Variants in SYNM observed in about 807,000 individuals in gnomAD.
The protein encoded by SYNM is desmuslin.
In SYNM, 95 loss-of-function variants were observed where a neutral mutation model predicts 104.0. The ratio of observed to expected loss-of-function variants is 0.91; its 90% CI spans 0.77 to 1.08. SYNM has a LOEUF of 1.08. SYNM is among the 50% of genes least tolerant of loss of function. The pLI is 0.00. For synonymous variants in SYNM, 918 were observed against 869.0 expected (o/e 1.06, Z -0.99); for missense variants, 2,150 against 2,052.2 (o/e 1.05, Z -0.92).
chr15:99,117,299 T>G (rs1379040639), intron 2 of SYNM, among the ~76,000 whole-genome samples: 1 of 152,148 alleles, frequency 6.6e-6, no homozygotes, highest in African/African-American at 2.4e-5. Context: ...CTCGTGCCCG[T>G]GGTCATCCTC....
intron 2 of SYNM, among the ~76,000 whole-genome samples, chr15:99,114,658 T>A (rs1034767737): frequency 1.3e-5 from 2 of 152,016 alleles, no homozygotes; most frequent in African/African-American, 4.8e-5. Flanking sequence ...CCAACTCTGA[T>A]GAAAAGGTCA....
At position 99,132,119 on chromosome 15, in the gene SYNM, A is replaced by G; in HGVS notation, c.3759A>G (p.Glu1253=). 1 of 1,614,034 alleles carries G rather than the reference A, an allele frequency of 6.2e-7. No individual in the cohort carries two copies. Among genetic ancestry groups the G allele is most frequent in the Non-Finnish European group, 8.5e-7 (1 of 1,179,896 alleles). The change falls in exon 4 of 4, where the codon GAA becomes GAG. Residue 1253 remains glutamate, a synonymous_variant. Transcript: ENST00000336292. ...AGGTTGGTGATTATTTTGCAACAGAAGAGTCAGTGGGTACCCAGACTTCTG... is the reference window on the plus strand; with the variant it reads ...AGGTTGGTGATTATTTTGCAACAGAGGAGTCAGTGGGTACCCAGACTTCTG... ...AGKVGDYFAT[E]ESVGTQTSVR...
chr15:99,134,143 G>C lies in SYNM; in HGVS notation c.*1085G>C, dbSNP rs1460285540. On this transcript the variant is annotated 3_prime_UTR_variant, in exon 4 of 4. Transcript: ENST00000336292. ...ACAACCATGAACCCACCTCACGGAA[G>C]CTTTTTTTGCACTTTGAACAGAAGT... The C allele has an allele frequency of 6.6e-6, 1 of 152,122 alleles. No individual in the cohort carries two copies. Among genetic ancestry groups the C allele is most frequent in the Non-Finnish European group, 1.5e-5 (1 of 68,014 alleles). 9.4% of individuals were successfully genotyped at this position (152,122 alleles called of 1,614,324 possible).
At chr15:99,117,328 C>T (rs1703777) in intron 2 of SYNM, among the ~76,000 whole-genome samples, 77,816 of 151,962 alleles carry the variant, frequency 0.51, 20,378 homozygotes, top group African/African-American at 0.62. Context: ...TCCATCTCTG[C>T]TGGGTCATGT....
intron 2 of SYNM, among the ~76,000 whole-genome samples, chr15:99,118,739 A>T (rs2067372998): frequency 6.6e-6 from 1 of 152,252 alleles, no homozygotes; most frequent in Admixed American, 6.5e-5. Context: ...ATTAAAACAA[A>T]GCAAACCTCC....
At chr15:99,123,337 G>C (rs34667836) in intron 2 of SYNM, among the ~76,000 whole-genome samples, 1 of 146,544 alleles carries the variant, frequency 6.8e-6, no homozygotes, top group Non-Finnish European at 1.5e-5. Flanking sequence ...TATTGACCTA[G>C]AGATGGCTCT....
At chr15:99,119,164 G>T (rs1359003489) in intron 2 of SYNM, among the ~76,000 whole-genome samples, 1 of 152,174 alleles carries the variant, frequency 6.6e-6, no homozygotes, top group Non-Finnish European at 1.5e-5. Flanking sequence ...GAATCTCCCG[G>T]CCCTCAAGAT....
downstream of SYNM, chr15:99,139,799 T>C (rs2068016098): frequency 8.1e-7 from 1 of 1,233,438 alleles, no homozygotes; most frequent in Non-Finnish European, 1.1e-6. Flanking sequence ...ATACTCTACT[T>C]TTATTAATAT....
At chr15:99,121,441 G>A (rs782379266) in intron 2 of SYNM, among the ~76,000 whole-genome samples, 11 of 152,128 alleles carry the variant, frequency 7.2e-5, no homozygotes, top group Non-Finnish European at 1.5e-4. Flanking sequence ...TAGGAGGGAG[G>A]AGCCTGAGGA....
At chr15:99,121,236 C>T (rs2067397885) in intron 2 of SYNM, among the ~76,000 whole-genome samples, 1 of 152,038 alleles carries the variant, frequency 6.6e-6, no homozygotes, top group African/African-American at 2.4e-5. Context: ...GTGGGGCTTT[C>T]TGTGGCATGC....
intron 1 of SYNM, among the ~76,000 whole-genome samples, chr15:99,112,306 C>T (rs764096028): frequency 1.3e-5 from 2 of 152,154 alleles, no homozygotes; most frequent in Non-Finnish European, 2.9e-5. Flanking sequence ...CCATTACAAA[C>T]CAGAAGTTAA....
At chr15:99,112,622 C>T (rs941410832) in intron 1 of SYNM, among the ~76,000 whole-genome samples, 6 of 152,206 alleles carry the variant, frequency 3.9e-5, no homozygotes, top group Non-Finnish European at 8.8e-5. Flanking sequence ...GTCGGGGACC[C>T]GGCCAGGGGT....
chr15:99,116,055 A>G (rs2067345811), intron 2 of SYNM, among the ~76,000 whole-genome samples: 1 of 152,240 alleles, frequency 6.6e-6, no homozygotes, highest in Non-Finnish European at 1.5e-5. Context: ...GGCTTCACCA[A>G]GGGATGAATT....
rs148449815 is a variant in SYNM at position 99,124,585 on chromosome 15, C to T, written c.936-2137C>T. Among the ~76,000 whole-genome samples the T allele has an allele frequency of 4.9e-3, 742 of 152,220 alleles. 4 individuals carry two copies. The highest frequency in any genetic ancestry group is 0.017 in the African/African-American group (711 of 41,536). On this transcript the variant is annotated intron_variant, in intron 2 of 3. Coordinates refer to ENST00000336292, the MANE Select transcript of SYNM (RefSeq NM_145728.3). ...AGAATTTATTTTCATTAATATGGCCCGGAGGGTCTATCTGTAGGATTTGTG... is the reference window on the plus strand; with the variant it reads ...AGAATTTATTTTCATTAATATGGCCTGGAGGGTCTATCTGTAGGATTTGTG...
rs782277548 is a variant in SYNM, at chr15:99,132,039, C to A, written c.3679C>A (p.Gln1227Lys). The change falls in exon 4 of 4, where the codon CAA (glutamine) becomes AAA (lysine). Residue 1227 changes from glutamine to lysine, a missense_variant. Transcript: ENST00000336292. Reference sequence around the variant, plus strand: ...GAGGCACAGCACATTTGGCTGCAGACAATTTCATGCTGAAAAGGAGATTAT... The same window carrying A: ...GAGGCACAGCACATTTGGCTGCAGAAAATTTCATGCTGAAAAGGAGATTAT... ...SGRHSTFGCRQFHAEKEIIFQ... is the reference protein window; with the variant it reads ...SGRHSTFGCRKFHAEKEIIFQ... 1 of 1,613,822 alleles carries A rather than the reference C, an allele frequency of 6.2e-7. No individual in the cohort carries two copies.
In SYNM at chr15:99,131,650, G is replaced by T. The variant is rs557934531; in HGVS notation, c.3290G>T (p.Gly1097Val). 2 of 1,611,484 alleles carry T rather than the reference G, an allele frequency of 1.2e-6. No individual in the cohort carries two copies. Among genetic ancestry groups the T allele is most frequent in the African/African-American group, 1.3e-5 (1 of 75,034 alleles). ...AGCTCGGGACAGCGCACTCCCCAGGGCCCAGTGTCGGCCACTGTGGAGGTC... is the reference window on the plus strand; with the variant it reads ...AGCTCGGGACAGCGCACTCCCCAGGTCCCAGTGTCGGCCACTGTGGAGGTC... ...SHSSGQRTPQ[G>V]PVSATVEVSS... The change falls in exon 4 of 4, where the codon GGC (glycine) becomes GTC (valine). Residue 1097 changes from glycine (G) to valine (V), a missense_variant. By Grantham distance (109) the Gly-to-Val change is moderately radical. Coordinates refer to ENST00000336292, the MANE Select transcript of SYNM (RefSeq NM_145728.3). The surrounding 1 kb of genome is among the most constrained non-coding windows in gnomAD (Gnocchi z 4.3).
chr15:99,130,183 G>C lies in SYNM; in HGVS notation c.1823G>C (p.Gly608Ala), dbSNP rs1251234044. Residue 608 changes from glycine to alanine, a missense_variant, in exon 4 of 4, where the codon GGT (glycine) becomes GCT (alanine). Physicochemically the swap from Gly to Ala is moderately conservative, Grantham distance 60. Coordinates refer to ENST00000336292, the MANE Select transcript of SYNM (RefSeq NM_145728.3). ...GTGAAGGATGCTGGTGGTGGGACCG[G>C]TAGAGAGGCAGAAGCAAGAGAGCTA... ...TPVKDAGGGT[G>A]REAEARELRF... 4 of 1,613,784 alleles carry C rather than the reference G, an allele frequency of 2.5e-6. No individual in the cohort carries two copies. The highest frequency in any genetic ancestry group is 3.4e-6 in the Non-Finnish European group (4 of 1,179,910).
intron 2 of SYNM, among the ~76,000 whole-genome samples, chr15:99,119,796 A>T (rs1009468285): frequency 6.6e-6 from 1 of 152,256 alleles, no homozygotes; most frequent in Non-Finnish European, 1.5e-5. Context: ...ACATTTTGTT[A>T]TGAGAATTTC....
intron 2 of SYNM, among the ~76,000 whole-genome samples, chr15:99,125,480 C>A (rs1044956876): frequency 6.6e-6 from 1 of 152,258 alleles, no homozygotes; most frequent in Non-Finnish European, 1.5e-5. Context: ...ACAAGCATCC[C>A]GCAGTCACTG....
Sources: allele counts gnomAD v4.1 joint callset (sites outside exome capture counted in the v4.1 genomes callset), GRCh38; gene constraint gnomAD v4.1.1; non-coding constraint Gnocchi (gnomAD v3.1); transcripts MANE v1.5; gene names NCBI Gene and HGNC (gene_info 2026-07-23, HGNC 2026-07-21).